The following TPTE2 variants were observed in gnomAD, a reference collection of about 807,000 sequenced individuals.
TPTE2 encodes transmembrane phosphoinositide 3-phosphatase and tensin homolog 2.
Under a neutral mutation model 78.6 loss-of-function variants are expected in TPTE2, and 53 were observed. The ratio of observed to expected loss-of-function variants is 0.67; its 90% CI spans 0.54 to 0.85. The LOEUF (loss-of-function observed/expected upper bound fraction) is 0.85. TPTE2 is among the 40% of genes least tolerant of loss of function. TPTE2 has a pLI of 0.00. For missense variants in TPTE2, 461 were observed against 623.0 expected (o/e 0.74, Z 2.77); for synonymous variants, 175 against 206.2 (o/e 0.85, Z 1.30).
At chr13:19,445,683 T>C (rs769756354) in intron 13 of TPTE2, among the ~76,000 whole-genome samples, 6 of 152,248 alleles carry the variant, frequency 3.9e-5, no homozygotes, top group Non-Finnish European at 8.8e-5. Context: ...GGCTCATGCC[T>C]GTAATCCCAG....
At chr13:19,493,529 G>A (rs1881135202) in intron 1 of TPTE2, 28 bp from the exon 5 acceptor site, 2 of 1,607,296 alleles carry the variant, frequency 1.2e-6, no homozygotes, top group African/African-American at 1.3e-5. Flanking sequence ...AATACAGTCA[G>A]AGAGGAGACA....
At chr13:19,540,308 A>AT (rs1294933933), upstream of TPTE2, among the ~76,000 whole-genome samples, 1 of 145,538 alleles carries the variant, frequency 6.9e-6, no homozygotes, top group African/African-American at 2.5e-5. Flanking sequence ...TATTATTATT[A>AT]TGGTTTTTTT....
chr13:19,540,308 A>ATTATTAT (rs1294933933), upstream of TPTE2, among the ~76,000 whole-genome samples: 41 of 145,536 alleles, frequency 2.8e-4, no homozygotes, highest in Non-Finnish European at 4.7e-4. Context: ...TATTATTATT[A>ATTATTAT]TGGTTTTTTT....
At chr13:19,506,158 A>ACCTTTTTT (rs1869004918), upstream of TPTE2, among the ~76,000 whole-genome samples, 1 of 23,556 alleles carries the variant, frequency 4.2e-5, no homozygotes, top group Non-Finnish European at 9.8e-5. Flanking sequence ...GTGTATATAA[A>ACCTTTTTT]TCTTTTTTTT....
At chr13:19,521,242 C>T (rs562661550) in intron 1 of TPTE2, among the ~76,000 whole-genome samples, 1 of 151,998 alleles carries the variant, frequency 6.6e-6, no homozygotes, top group African/African-American at 2.4e-5. Context: ...TCAATTCTGT[C>T]AATTTTTTCT....
At chr13:19,430,505 T>G in exon 17 of TPTE2, 1 of 1,609,910 alleles carries the variant, frequency 6.2e-7, no homozygotes, top group Non-Finnish European at 8.5e-7. Flanking sequence ...AAAGACAACC[T>G]TTTTCTCCAT....
At chr13:19,501,787 C>A (rs1010568942) in intron 1 of TPTE2, among the ~76,000 whole-genome samples, 5 of 151,846 alleles carry the variant, frequency 3.3e-5, no homozygotes, top group South Asian at 2.1e-4. Context: ...GCAAGAAAAG[C>A]CAAAATTGAC....
At chr13:19,534,252 C>G (rs1486995517) in intron 1 of TPTE2, among the ~76,000 whole-genome samples, 1 of 152,126 alleles carries the variant, frequency 6.6e-6, no homozygotes, top group African/African-American at 2.4e-5. Flanking sequence ...ACATGAGAAA[C>G]AGAATAGTTG....
chr13:19,561,475 C>A, the TPTE2 span, among the ~76,000 whole-genome samples: 35 of 152,172 alleles, frequency 2.3e-4, no homozygotes, highest in Non-Finnish European at 5.0e-4. Context: ...CCCCGCAAGC[C>A]CCGACGCCCG....
chr13:19,498,038 G>A (rs1162537139), intron 1 of TPTE2, among the ~76,000 whole-genome samples: 1 of 151,136 alleles, frequency 6.6e-6, no homozygotes, highest in Non-Finnish European at 1.5e-5. Context: ...TCAACTGGAA[G>A]AAAGGGTATC....
At chr13:19,467,170 G>A (rs1026566691) in intron 7 of TPTE2, 55 bp downstream of exon 10, 1 of 1,480,620 alleles carries the variant, frequency 6.8e-7, no homozygotes. Context: ...AAAAGCCACA[G>A]AAAATGCTAA....
At chr13:19,559,766 T>C in the TPTE2 span, among the ~76,000 whole-genome samples, 2 of 120,512 alleles carry the variant, frequency 1.7e-5, no homozygotes, top group African/African-American at 5.4e-5. Flanking sequence ...CCCTACACTC[T>C]TGGGGCACGC....
chr13:19,509,419 A>G (rs1160083061), intron 1 of TPTE2, among the ~76,000 whole-genome samples: 5 of 152,188 alleles, frequency 3.3e-5, no homozygotes, highest in Non-Finnish European at 5.9e-5. Context: ...TCCAAATACA[A>G]TGTACAAGAA....
At chr13:19,433,570 A>T (rs1021741449) in intron 15 of TPTE2, among the ~76,000 whole-genome samples, 5 of 152,194 alleles carry the variant, frequency 3.3e-5, no homozygotes, top group African/African-American at 9.7e-5. Flanking sequence ...ACCCATTGGG[A>T]AATGTTCATT....
At chr13:19,524,456 T>C (rs1192873766) in intron 1 of TPTE2, among the ~76,000 whole-genome samples, 2 of 152,148 alleles carry the variant, frequency 1.3e-5, no homozygotes. Flanking sequence ...ATCATCTCAA[T>C]TCCAGTCTCT....
At chr13:19,559,345 C>A in the TPTE2 span, among the ~76,000 whole-genome samples, 1 of 152,226 alleles carries the variant, frequency 6.6e-6, no homozygotes, top group East Asian at 1.9e-4. Context: ...CAGCCAAGGG[C>A]TCTGGGCCCT....
At chr13:19,435,195 C>T (rs1876981398) in intron 15 of TPTE2, among the ~76,000 whole-genome samples, 1 of 152,086 alleles carries the variant, frequency 6.6e-6, no homozygotes, top group Non-Finnish European at 1.5e-5. Flanking sequence ...TCTGATTAAA[C>T]AAACTAAATT....
At chr13:19,425,179 G>T (rs1349260436) in intron 18 of TPTE2, among the ~76,000 whole-genome samples, 162 bp from the exon 22 acceptor site, 1 of 152,140 alleles carries the variant, frequency 6.6e-6, no homozygotes, top group African/African-American at 2.4e-5. Flanking sequence ...AGACACAAAG[G>T]AGGAGGCTTT....
chr13:19,553,852 A>G, the TPTE2 span, among the ~76,000 whole-genome samples: 3 of 152,350 alleles, frequency 2.0e-5, no homozygotes, highest in East Asian at 3.9e-4. Flanking sequence ...GTTCAAAATT[A>G]TAACTGGCAG....
Sources: allele counts gnomAD v4.1 joint callset (sites outside exome capture counted in the v4.1 genomes callset), GRCh38; gene constraint gnomAD v4.1.1; transcripts MANE v1.5; gene names NCBI Gene and HGNC (gene_info 2026-07-23, HGNC 2026-07-21).